KHDRBS2: variants seen among roughly 807,000 people sequenced by gnomAD.
KHDRBS2 encodes KH RNA binding domain containing, signal transduction associated 2.
A neutral mutation model predicts 44.3 loss-of-function variants in KHDRBS2; 26 were observed. The observed-to-expected ratio is 0.59, with a 90% confidence interval of 0.43 to 0.81. KHDRBS2 has a LOEUF of 0.81. KHDRBS2 is among the 40% of genes least tolerant of loss of function. The pLI is 0.00. For synonymous variants in KHDRBS2, 194 were observed against 151.1 expected (o/e 1.28, Z -2.08); for missense variants, 476 against 433.1 (o/e 1.10, Z -0.88).
At chr6:61,764,327 A>G (rs942758013) in intron 6 of KHDRBS2, among the ~76,000 whole-genome samples, 1 of 152,186 alleles carries the variant, frequency 6.6e-6, no homozygotes, top group South Asian at 2.1e-4. Context: ...GAACGATTAT[A>G]TTCCTTTGGG....
At chr6:62,130,233 T>C (rs1321859402) in intron 2 of KHDRBS2, among the ~76,000 whole-genome samples, 3 of 152,130 alleles carry the variant, frequency 2.0e-5, no homozygotes, top group South Asian at 4.1e-4. Flanking sequence ...AATGAGTAAG[T>C]AGAGATGTAA....
At chr6:61,664,811 T>C in the KHDRBS2 span, among the ~76,000 whole-genome samples, 1 of 151,752 alleles carries the variant, frequency 6.6e-6, no homozygotes, top group African/African-American at 2.4e-5. Context: ...TTCACTGAAA[T>C]ATATTTGGTT....
chr6:61,562,678 C>T, the KHDRBS2 span, among the ~76,000 whole-genome samples: 2 of 152,124 alleles, frequency 1.3e-5, no homozygotes, highest in Admixed American at 6.5e-5. Flanking sequence ...GAACCCCCAT[C>T]TTCCAATCAC....
In KHDRBS2 at chr6:62,286,073, C is replaced by A. The variant is rs1434461742; in HGVS notation, c.-125G>T. ...CTCCGCGCGGCGAGGGATCTCTGTGCGTCCTCACTGGCCCATGCACCCAGC... is the reference window on the plus strand; with the variant it reads ...CTCCGCGCGGCGAGGGATCTCTGTGAGTCCTCACTGGCCCATGCACCCAGC... On this transcript the variant is annotated 5_prime_UTR_variant, in exon 1 of 9. Coordinates refer to ENST00000281156, the MANE Select transcript of KHDRBS2 (RefSeq NM_152688.4). 3 of 685,708 alleles carry A rather than the reference C, an allele frequency of 4.4e-6. No homozygotes were observed. Among genetic ancestry groups the A allele is most frequent in the Non-Finnish European group, 7.8e-6 (3 of 382,686 alleles). 42.5% of individuals were successfully genotyped at this position (685,708 alleles called of 1,614,324 possible). A position where few individuals can be genotyped will look rare whatever the true frequency, so the allele number is the denominator to read the frequency against.
intron 2 of KHDRBS2, among the ~76,000 whole-genome samples, chr6:62,090,808 T>G (rs758011849): frequency 1.3e-5 from 2 of 152,168 alleles, no homozygotes; most frequent in Non-Finnish European, 2.9e-5. Context: ...TGCTTTAAAT[T>G]TTGTTTCAAA....
At chr6:62,280,384 A>C (rs1245589146) in intron 1 of KHDRBS2, among the ~76,000 whole-genome samples, 2 of 152,196 alleles carry the variant, frequency 1.3e-5, no homozygotes, top group Non-Finnish European at 1.5e-5. Flanking sequence ...CAAAAAAGGA[A>C]GTAAAACCAG....
At chr6:62,054,301 G>A (rs1244412307) in intron 2 of KHDRBS2, among the ~76,000 whole-genome samples, 1 of 152,008 alleles carries the variant, frequency 6.6e-6, no homozygotes, top group Non-Finnish European at 1.5e-5. Flanking sequence ...AATTATGACA[G>A]TATGAAGCAT....
the KHDRBS2 span, among the ~76,000 whole-genome samples, chr6:61,545,972 C>T: frequency 6.6e-6 from 1 of 152,120 alleles, no homozygotes; most frequent in African/African-American, 2.4e-5. Flanking sequence ...GTCCCCAGAA[C>T]TGTGCAAAAG....
Position 61,931,418 on chromosome 6 carries a change from A to G in KHDRBS2, c.484-30047T>C, listed in dbSNP as rs138000952. Among the ~76,000 whole-genome samples, 677 of 152,138 alleles carry G rather than the reference A, an allele frequency of 4.4e-3. 8 individuals are homozygous for G. Among genetic ancestry groups the G allele is most frequent in the African/African-American group, 0.015 (636 of 41,536 alleles). On this transcript the variant is annotated intron_variant, in intron 4 of 8. Coordinates refer to ENST00000281156, the MANE Select transcript of KHDRBS2 (RefSeq NM_152688.4). ...ATGTTGGACTTAAAAACTATATAAA[A>G]TATTAAAGATGTTAAGAATATATAC...
chr6:61,908,433 G>T (rs1449892575), intron 4 of KHDRBS2, among the ~76,000 whole-genome samples: 1 of 151,940 alleles, frequency 6.6e-6, no homozygotes. Flanking sequence ...AGGAGATCGA[G>T]ACCATCCTGG....
the KHDRBS2 span, among the ~76,000 whole-genome samples, chr6:61,611,699 T>C: frequency 7.5e-3 from 1,147 of 152,306 alleles, 9 homozygotes; most frequent in Non-Finnish European, 0.012. Context: ...TCTTAGTGAG[T>C]CCTATATACA....
intron 1 of KHDRBS2, among the ~76,000 whole-genome samples, chr6:62,222,822 A>G (rs536748315): frequency 1.3e-5 from 2 of 152,342 alleles, no homozygotes; most frequent in South Asian, 4.1e-4. Flanking sequence ...CATGTCTCAC[A>G]TCCAGGTCAC....
intron 7 of KHDRBS2, among the ~76,000 whole-genome samples, chr6:61,726,711 G>C (rs1322419252): frequency 6.6e-6 from 1 of 151,928 alleles, no homozygotes; most frequent in Non-Finnish European, 1.5e-5. Context: ...AGTCCAGCTA[G>C]CAAGGGAAGT....
At chr6:61,553,416 A>T in the KHDRBS2 span, among the ~76,000 whole-genome samples, 1 of 151,858 alleles carries the variant, frequency 6.6e-6, no homozygotes, top group African/African-American at 2.4e-5. Context: ...TCTAGCAAGT[A>T]GTCTGTCTAT....
intron 6 of KHDRBS2, among the ~76,000 whole-genome samples, chr6:61,859,292 G>T (rs1165262460): frequency 1.3e-5 from 2 of 151,680 alleles, no homozygotes; most frequent in East Asian, 1.9e-4. Flanking sequence ...CTACATATAC[G>T]CTTGGGGCAG....
chr6:61,745,698 T>A (rs142410305), intron 6 of KHDRBS2, among the ~76,000 whole-genome samples: 3 of 152,264 alleles, frequency 2.0e-5, no homozygotes, highest in African/African-American at 7.2e-5. Context: ...TAAAAGGGCA[T>A]AGACATATCT....
intron 6 of KHDRBS2, among the ~76,000 whole-genome samples, chr6:61,832,601 A>G (rs1308822236): frequency 1.3e-5 from 2 of 152,116 alleles, no homozygotes; most frequent in African/African-American, 4.8e-5. Context: ...AAAAAAAACT[A>G]TCTGTAAGAT....
chr6:62,248,011 T>A (rs940490422), intron 1 of KHDRBS2, among the ~76,000 whole-genome samples: 1 of 152,102 alleles, frequency 6.6e-6, no homozygotes, highest in Non-Finnish European at 1.5e-5. Flanking sequence ...AATCTCAGCC[T>A]CTAAATTATT....
intron 3 of KHDRBS2, among the ~76,000 whole-genome samples, chr6:61,996,135 T>C (rs1215788907): frequency 6.6e-6 from 1 of 152,186 alleles, no homozygotes; most frequent in African/African-American, 2.4e-5. Context: ...CAATATCATA[T>C]TTAATCTGTC....
Sources: allele counts gnomAD v4.1 joint callset (sites outside exome capture counted in the v4.1 genomes callset), GRCh38; gene constraint gnomAD v4.1.1; transcripts MANE v1.5; gene names NCBI Gene and HGNC (gene_info 2026-07-23, HGNC 2026-07-21).